FAP: variants seen among roughly 807,000 people sequenced by gnomAD.
FAP encodes prolyl endopeptidase FAP.
Under a neutral mutation model 126.5 loss-of-function variants are expected in FAP, and 110 were observed. The observed-to-expected ratio is 0.87, with a 90% CI of 0.74 to 1.02. The LOEUF (loss-of-function observed/expected upper bound fraction) is 1.02. Ranked by LOEUF, FAP falls within the 50% of genes least tolerant of loss-of-function variation. The pLI, the probability that FAP is intolerant of heterozygous loss-of-function variation, is 0.00. For synonymous variants in FAP, 334 were observed against 297.3 expected (o/e 1.12, Z -1.27); for missense variants, 919 against 909.2 (o/e 1.01, Z -0.14).
At chr2:162,201,433 T>C (rs1688495420) in intron 14 of FAP, among the ~76,000 whole-genome samples, 1 of 152,208 alleles carries the variant, frequency 6.6e-6, no homozygotes. Flanking sequence ...CACCTTTCTA[T>C]GCATCTTTAT....
At chr2:162,235,519 A>G (rs1191274760) in intron 2 of FAP, among the ~76,000 whole-genome samples, 2 of 152,130 alleles carry the variant, frequency 1.3e-5, no homozygotes, top group South Asian at 2.1e-4. Context: ...AAATACACCC[A>G]TTGACACTCT....
intron 21 of FAP, among the ~76,000 whole-genome samples, chr2:162,177,717 G>A (rs1310403668): frequency 6.6e-6 from 1 of 151,894 alleles, no homozygotes; most frequent in Non-Finnish European, 1.5e-5. Flanking sequence ...TATTTATCTT[G>A]TTTATTGTCT....
At position 162,173,796 on chromosome 2, in the gene FAP, T is replaced by TATATGAGA; in HGVS notation, c.1970-17_1970-10dup. 1 of 1,542,598 alleles carries TATATGAGA rather than the reference T, an allele frequency of 6.5e-7. No individual in the cohort carries two copies. The stretch of plus-strand genomic sequence containing the variant: ...CTCTGTGTAGACAGACGCTATAAAA[T>TATATGAGA]ATATGAGAATATGCATTGTTTGCAT... On this transcript the variant is annotated splice_polypyrimidine_tract_variant and intron_variant, in intron 22 of 25. Coordinates refer to ENST00000188790, the MANE Select transcript of FAP (RefSeq NM_004460.5).
chr2:162,186,901 C>T (rs1687882900), intron 20 of FAP, among the ~76,000 whole-genome samples: 1 of 151,980 alleles, frequency 6.6e-6, no homozygotes, highest in African/African-American at 2.4e-5. Context: ...GAACTATCTC[C>T]TCCAAACAAG....
At chr2:162,175,220 G>A in intron 21 of FAP, 1 of 239,382 alleles carries the variant, frequency 4.2e-6, no homozygotes, top group Non-Finnish European at 8.0e-6. Context: ...CATGGTAGGA[G>A]CAGTTTAAGA....
At chr2:162,239,621 T>C (rs1456420014) in intron 2 of FAP, among the ~76,000 whole-genome samples, 1 of 152,216 alleles carries the variant, frequency 6.6e-6, no homozygotes, top group Non-Finnish European at 1.5e-5. Flanking sequence ...TAGTTGCTAT[T>C]GTTGAGTGTA....
At chr2:162,179,786 CTATCTATATA>C (rs1170858908) in intron 21 of FAP, among the ~76,000 whole-genome samples, 7 of 63,558 alleles carry the variant, frequency 1.1e-4, no homozygotes, top group African/African-American at 3.3e-4. Context: ...ATCTATCTAT[CTATCTATATA>C]TATATATATA....
intron 21 of FAP, among the ~76,000 whole-genome samples, chr2:162,178,000 C>A (rs1465306062): frequency 6.6e-6 from 1 of 152,152 alleles, no homozygotes; most frequent in African/African-American, 2.4e-5. Context: ...AAACTCAGGA[C>A]ACTTGTCTCA....
Position 162,226,515 on chromosome 2 carries a change from G to A in FAP, c.190+8C>T. 1 of 1,440,680 alleles carries A rather than the reference G, an allele frequency of 6.9e-7. No homozygotes were observed. Among genetic ancestry groups the A allele is most frequent in the African/African-American group, 1.4e-5 (1 of 70,636 alleles). 89.2% of individuals were successfully genotyped at this position (1,440,680 alleles called of 1,614,324 possible). ...AAAAAAACCCCTAAAGATAAATAAT[G>A]CACTTACCTGAAATCCAGTTTGGAA... On this transcript the variant is annotated splice_region_variant and intron_variant, in intron 3 of 25. Coordinates refer to ENST00000188790, the MANE Select transcript of FAP (RefSeq NM_004460.5).
At chr2:162,216,329 C>T (rs80145543) in intron 9 of FAP, among the ~76,000 whole-genome samples, 1 of 152,094 alleles carries the variant, frequency 6.6e-6, no homozygotes, top group Non-Finnish European at 1.5e-5. Flanking sequence ...AGATCTCTCT[C>T]ATTTTTATTA....
At position 162,189,145 on chromosome 2, in the gene FAP, G is replaced by A; in HGVS notation, c.1577C>T (p.Pro526Leu). Residue 526 changes from proline (P) to leucine (L), a missense_variant, in exon 19 of 26, where the codon CCT (proline) becomes CTT (leucine). Coordinates refer to ENST00000188790, the MANE Select transcript of FAP (RefSeq NM_004460.5). ...ATACTTCTTTGATCTGTCAAATTGA[G>A]GAGGAAGAATCATCTTGTACCATAA... ...ITLWYKMILP[P>L]QFDRSKKYPL... 1 of 1,602,664 alleles carries A rather than the reference G, an allele frequency of 6.2e-7. No homozygotes were observed. The highest frequency in any genetic ancestry group is 8.5e-7 in the Non-Finnish European group (1 of 1,173,676).
At chr2:162,197,886 G>C in intron 16 of FAP, 1 of 334,282 alleles carries the variant, frequency 3.0e-6, no homozygotes, top group South Asian at 2.4e-5. Context: ...CCCAAATTAG[G>C]AATAAGCTGG....
chr2:162,170,924 G>T lies in FAP; in HGVS notation c.*55C>A. The T allele has an allele frequency of 7.8e-7, 1 of 1,277,158 alleles. No individual in the cohort carries two copies. Among genetic ancestry groups the T allele is most frequent in the Non-Finnish European group, 1.1e-6 (1 of 878,046 alleles). The allele number at this position is 1,277,158 out of a possible 1,614,324, so 79.1% of individuals were successfully genotyped here. A position where few individuals can be genotyped will look rare whatever the true frequency, so the allele number is the denominator to read the frequency against. ...AAAAAATAAAATAAGCAAACTGTCT[G>T]AGGGGTTTATATAAGGTTTTCAGAT... On this transcript the variant is annotated 3_prime_UTR_variant, in exon 26 of 26. Transcript: ENST00000188790.
intron 2 of FAP, among the ~76,000 whole-genome samples, chr2:162,233,265 A>G (rs577234982): frequency 2.6e-5 from 4 of 152,202 alleles, no homozygotes; most frequent in African/African-American, 9.6e-5. Context: ...TAGTTTCTCA[A>G]TACAAACATT....
At chr2:162,172,994 A>G (rs1559758230) in intron 24 of FAP, 110 bp from the exon 25 acceptor site, 4 of 1,121,560 alleles carry the variant, frequency 3.6e-6, no homozygotes, top group Admixed American at 1.7e-5. Flanking sequence ...TGCATTTGAC[A>G]TTGTCAGCAG....
rs575987208 is a variant in FAP at position 162,237,752 on chromosome 2, T to C, written c.91+5156A>G. ...TGGCTGGGTCAAATGGTATTTCTGG[T>C]TCTAGATCCTTGAGGAATCACAAGG... On this transcript the variant is annotated intron_variant, in intron 2 of 25. Transcript: ENST00000188790. Among the ~76,000 whole-genome samples the C allele has an allele frequency of 1.2e-3, 184 of 152,282 alleles. 1 individual carries two copies. Among genetic ancestry groups the C allele is most frequent in the African/African-American group, 4.1e-3 (171 of 41,552 alleles).
chr2:162,240,708 G>A (rs1394787789), intron 2 of FAP, among the ~76,000 whole-genome samples: 6 of 152,226 alleles, frequency 3.9e-5, no homozygotes, highest in Admixed American at 2.6e-4. Context: ...GGATATGAGG[G>A]CACCTAAGGC....
chr2:162,176,171 A>G (rs1270363114), intron 21 of FAP: 1 of 152,184 alleles, frequency 6.6e-6, no homozygotes, highest in Non-Finnish European at 1.5e-5. Flanking sequence ...AAAGAGAGAG[A>G]GAGAGAGGTA....
At chr2:162,227,130 A>G (rs778568954) in intron 2 of FAP, among the ~76,000 whole-genome samples, 2 of 152,168 alleles carry the variant, frequency 1.3e-5, no homozygotes, top group Admixed American at 1.3e-4. Flanking sequence ...CAGTTGGTCA[A>G]ATGAGATTGG....
Sources: allele counts gnomAD v4.1 joint callset (sites outside exome capture counted in the v4.1 genomes callset), GRCh38; gene constraint gnomAD v4.1.1; transcripts MANE v1.5; gene names NCBI Gene and HGNC (gene_info 2026-07-23, HGNC 2026-07-21).